The following NEBL variants were observed in gnomAD, a reference collection of about 807,000 sequenced individuals.
NEBL encodes nebulette.
NEBL carries 122 observed loss-of-function variants against 140.2 expected under a neutral mutation model. The observed-to-expected ratio is 0.87, with a 90% CI of 0.75 to 1.01. The LOEUF is 1.01. Among genes scored for constraint, NEBL ranks in the 50% least tolerant of loss-of-function variants. The pLI is 0.00. For missense variants in NEBL, 1,365 were observed against 1,231.3 expected (o/e 1.11, Z -1.62); for synonymous variants, 436 against 398.9 (o/e 1.09, Z -1.11).
chr10:20,888,540 A>T (rs1846736272), intron 3 of NEBL, among the ~76,000 whole-genome samples: 1 of 152,262 alleles, frequency 6.6e-6, no homozygotes, highest in Non-Finnish European at 1.5e-5. Context: ...GTTGTTCCAG[A>T]AAATGCAAGT....
intron 3 of NEBL, among the ~76,000 whole-genome samples, chr10:21,001,819 GA>G (rs1340619554): frequency 6.6e-6 from 1 of 152,124 alleles, no homozygotes; most frequent in Non-Finnish European, 1.5e-5. Flanking sequence ...TGGAAAATAA[GA>G]ACTGATTTCC....
intron 2 of NEBL, among the ~76,000 whole-genome samples, chr10:21,055,643 T>G (rs1460061548): frequency 1.3e-5 from 2 of 152,148 alleles, no homozygotes; most frequent in Non-Finnish European, 2.9e-5. Context: ...ATAATAACAG[T>G]GTGTACCTCA....
intron 1 of NEBL, among the ~76,000 whole-genome samples, chr10:21,252,423 T>C (rs1274882274): frequency 2.6e-5 from 4 of 152,336 alleles, no homozygotes; most frequent in Middle Eastern, 3.4e-3. Context: ...TATTTTATAT[T>C]AGCCTTGTTA....
intron 3 of NEBL, among the ~76,000 whole-genome samples, chr10:21,208,724 G>T (rs966752183): frequency 6.6e-6 from 1 of 152,160 alleles, no homozygotes; most frequent in African/African-American, 2.4e-5. Context: ...CGAGCAAGGA[G>T]CAGGCCTGGA....
chr10:20,805,757 G>A (rs939134645), intron 26 of NEBL, among the ~76,000 whole-genome samples: 2 of 151,976 alleles, frequency 1.3e-5, no homozygotes, highest in African/African-American at 2.4e-5. Context: ...GGAGGCTGAC[G>A]CAGGAGAACC....
chr10:21,248,641 T>C (rs748639222), intron 2 of NEBL, among the ~76,000 whole-genome samples: 6 of 152,190 alleles, frequency 3.9e-5, no homozygotes, highest in Admixed American at 1.3e-4. Flanking sequence ...GTTATAAATA[T>C]CTGTTTGAGT....
At chr10:21,126,141 G>A in intron 2 of NEBL, 7 of 1,593,650 alleles carry the variant, frequency 4.4e-6, no homozygotes, top group Non-Finnish European at 5.2e-6. Flanking sequence ...ATAAAGTGCA[G>A]CTGTCCGTTC....
chr10:21,146,994 C>T (rs557385317), intron 2 of NEBL, among the ~76,000 whole-genome samples: 3 of 152,240 alleles, frequency 2.0e-5, no homozygotes, highest in Middle Eastern at 3.4e-3. Flanking sequence ...CCTGCCATAA[C>T]GCCTCTTCCC....
chr10:21,013,222 T>C (rs1474163226), intron 3 of NEBL, among the ~76,000 whole-genome samples: 1 of 152,208 alleles, frequency 6.6e-6, no homozygotes, highest in Non-Finnish European at 1.5e-5. Flanking sequence ...TATGTCCCCT[T>C]TGAAGTTCTC....
chr10:20,817,449 A>G, intron 21 of NEBL, 151 bp downstream of exon 21: 1 of 745,350 alleles, frequency 1.3e-6, no homozygotes, highest in Non-Finnish European at 2.3e-6. Context: ...CCACAATACC[A>G]AAGTCCCCGA....
Position 21,173,987 on chromosome 10 carries a change from T to C in NEBL, c.-154A>G, listed in dbSNP as rs1841209268. 4 of 1,240,848 alleles carry C rather than the reference T, an allele frequency of 3.2e-6. No homozygotes were observed. Among genetic ancestry groups the C allele is most frequent in the South Asian group, 3.0e-5 (1 of 33,588 alleles). 76.9% of individuals were successfully genotyped at this position (1,240,848 alleles called of 1,614,324 possible). ...GAGTCGGCGCCGGGCCACGGGTGAG[T>C]GCACGGGGAGGGCGACGGGGCCTGG... On this transcript the variant is annotated 5_prime_UTR_variant, in exon 1 of 7. Coordinates refer to the NEBL transcript ENST00000417816. This position sits in a 1 kb window ranked among gnomAD's most constrained non-coding sequence, Gnocchi z 5.7.
intron 2 of NEBL, among the ~76,000 whole-genome samples, chr10:21,249,464 C>T (rs902512635): frequency 2.6e-5 from 4 of 152,042 alleles, no homozygotes; most frequent in African/African-American, 9.7e-5. Flanking sequence ...AATCCAGTGT[C>T]ATGAAGCTTT....
intron 2 of NEBL, among the ~76,000 whole-genome samples, chr10:21,041,302 C>A (rs747395769): frequency 1.3e-5 from 2 of 152,072 alleles, no homozygotes; most frequent in Admixed American, 1.3e-4. Flanking sequence ...GGAGAACATG[C>A]GGTATTTGGT....
At chr10:20,940,004 C>T (rs1218961325) in intron 4 of NEBL, among the ~76,000 whole-genome samples, 1 of 150,116 alleles carries the variant, frequency 6.7e-6, no homozygotes, top group Non-Finnish European at 1.5e-5. Context: ...TAACAACCCA[C>T]TGTCAATATT....
intron 3 of NEBL, among the ~76,000 whole-genome samples, chr10:21,238,684 G>A (rs1219256274): frequency 7.0e-6 from 1 of 143,820 alleles, no homozygotes; most frequent in Non-Finnish European, 1.5e-5. Flanking sequence ...TCCGGCCTGG[G>A]CAATAAAAGC....
chr10:21,133,625 G>A (rs1437992357), intron 2 of NEBL, among the ~76,000 whole-genome samples: 1 of 152,222 alleles, frequency 6.6e-6, no homozygotes, highest in Non-Finnish European at 1.5e-5. Flanking sequence ...AAAGCACTCA[G>A]AACAGCATAT....
chr10:21,251,248 T>A (rs1183230499), intron 2 of NEBL, among the ~76,000 whole-genome samples: 1 of 152,200 alleles, frequency 6.6e-6, no homozygotes, highest in Admixed American at 6.5e-5. Flanking sequence ...ATTAGTAAGA[T>A]AGAAATAAAA....
rs1032516878 is a variant in NEBL, at chr10:21,149,476, A to T, written c.164+22907T>A. 3.3e-5 allele frequency among the ~76,000 whole-genome samples: 5 copies of T among 152,034 alleles called. No individual in the cohort carries two copies. The East Asian group carries it at 9.6e-4, about 29-fold the overall frequency. On this transcript the variant is annotated intron_variant, in intron 2 of 6. Coordinates refer to the NEBL transcript ENST00000417816. ...CAGATAATTTTTATATTTTTAGTAG[A>T]TACGGGGTTTCACCATGTTGGCCAG...
chr10:21,109,108 C>T (rs1837854195), intron 2 of NEBL, among the ~76,000 whole-genome samples: 1 of 152,050 alleles, frequency 6.6e-6, no homozygotes, highest in Non-Finnish European at 1.5e-5. Context: ...CAGCTTTTGC[C>T]CATTCAGTAT....
Sources: allele counts gnomAD v4.1 joint callset (sites outside exome capture counted in the v4.1 genomes callset), GRCh38; gene constraint gnomAD v4.1.1; non-coding constraint Gnocchi (gnomAD v3.1); transcripts MANE v1.5; gene names NCBI Gene and HGNC (gene_info 2026-07-23, HGNC 2026-07-21).